Variants in ZDHHC5 observed in about 807,000 individuals in gnomAD.
The protein encoded by ZDHHC5 is zDHHC palmitoyltransferase 5.
In ZDHHC5, 22 loss-of-function variants were observed where a neutral mutation model predicts 70.0. That is an observed-to-expected ratio of 0.31 (90% CI 0.22 to 0.45). ZDHHC5 has a LOEUF of 0.45. Among genes scored for constraint, ZDHHC5 ranks in the 20% least tolerant of loss-of-function variants. The pLI is 1.00. For synonymous variants in ZDHHC5, 313 were observed against 347.8 expected, an observed-to-expected ratio of 0.90 and a Z score of 1.11; for missense variants, 746 against 926.9, an observed-to-expected ratio of 0.80 and a Z score of 2.53.
intron 2 of ZDHHC5, among the ~76,000 whole-genome samples, chr11:57,673,995 A>T (rs562873405): frequency 1.2e-4 from 18 of 152,170 alleles, no homozygotes; most frequent in Non-Finnish European, 2.5e-4. Flanking sequence ...CCAATGAGAG[A>T]GTTTTGGCTT....
chr11:57,681,761 T>TC (rs1405019371), intron 2 of ZDHHC5: 1 of 152,226 alleles, frequency 6.6e-6, no homozygotes, highest in Admixed American at 6.5e-5. Context: ...ATAGTCTCTA[T>TC]CCTCCCCCAT....
rs1946025503 is a variant in ZDHHC5 at position 57,672,984 on chromosome 11, CT to C, written c.-103del. 1 of 1,023,136 alleles carries C rather than the reference CT, an allele frequency of 9.8e-7. No individual in the cohort carries two copies. Among genetic ancestry groups the C allele is most frequent in the Non-Finnish European group, 1.5e-6 (1 of 677,108 alleles). 63.4% of individuals were successfully genotyped at this position (1,023,136 alleles called of 1,614,324 possible). On this transcript the variant is annotated 5_prime_UTR_variant, in exon 2 of 12. Coordinates refer to ENST00000287169, the MANE Select transcript of ZDHHC5 (RefSeq NM_015457.3). The stretch of plus-strand genomic sequence containing the variant: ...TAAAGTTTTCTGTTTCCCTGGTTTT[CT>C]TTTGTACTCCTCTCTGTTGCTTCCC...
intron 3 of ZDHHC5, among the ~76,000 whole-genome samples, chr11:57,684,693 G>A (rs371858322): frequency 1.3e-5 from 2 of 152,286 alleles, no homozygotes; most frequent in Non-Finnish European, 2.9e-5. Flanking sequence ...TGGAATAGGA[G>A]GGGAGAGAAC....
chr11:57,682,605 A>G, intron 3 of ZDHHC5, 62 bp downstream of exon 3: 2 of 1,566,634 alleles, frequency 1.3e-6, no homozygotes, highest in Non-Finnish European at 8.7e-7. Context: ...TGAGTTGGCC[A>G]TACACAGTTG....
chr11:57,689,903 C>A, intron 4 of ZDHHC5, 128 bp from the exon 5 acceptor site: 1 of 1,246,298 alleles, frequency 8.0e-7, no homozygotes, highest in Non-Finnish European at 1.1e-6. Flanking sequence ...GCAAAATAAA[C>A]TGGATTTAAT....
At chr11:57,688,286 C>T (rs147771208) in intron 3 of ZDHHC5, among the ~76,000 whole-genome samples, 191 of 152,304 alleles carry the variant, frequency 1.3e-3, no homozygotes, top group African/African-American at 4.3e-3. Flanking sequence ...CATTTTATCT[C>T]GAACCTCACT....
chr11:57,691,347 C>A (rs1946282693), intron 6 of ZDHHC5, among the ~76,000 whole-genome samples: 2 of 152,038 alleles, frequency 1.3e-5, no homozygotes, highest in African/African-American at 4.8e-5. Flanking sequence ...GCTAAAATAT[C>A]TTTTATTTAT....
intron 3 of ZDHHC5, among the ~76,000 whole-genome samples, chr11:57,686,833 GTT>G (rs57661352): frequency 7.0e-6 from 1 of 142,428 alleles, no homozygotes. Flanking sequence ...GTGTGTGTGT[GTT>G]TTTTTTTTTT....
chr11:57,673,246 G>C, intron 2 of ZDHHC5, 52 bp downstream of exon 2: 2 of 1,569,664 alleles, frequency 1.3e-6, no homozygotes, highest in Non-Finnish European at 1.8e-6. Flanking sequence ...TCCATGGGAA[G>C]TGAGGAGATA....
At chr11:57,694,377 T>C (rs1297128156) in intron 8 of ZDHHC5, among the ~76,000 whole-genome samples, 2 of 151,910 alleles carry the variant, frequency 1.3e-5, no homozygotes, top group Non-Finnish European at 2.9e-5. Context: ...GATTTTTTTT[T>C]TTGAGAGGGA....
At chr11:57,678,896 C>A (rs1008118245) in intron 2 of ZDHHC5, among the ~76,000 whole-genome samples, 1 of 152,176 alleles carries the variant, frequency 6.6e-6, no homozygotes, top group Admixed American at 6.5e-5. Context: ...GAAGATCTTT[C>A]TCCTTCATTC....
chr11:57,674,708 T>C (rs895087073), intron 2 of ZDHHC5, among the ~76,000 whole-genome samples: 8 of 152,178 alleles, frequency 5.3e-5, no homozygotes, highest in African/African-American at 1.9e-4. Context: ...CCAAAAGATA[T>C]TCTGAAAAAT....
intron 1 of ZDHHC5, among the ~76,000 whole-genome samples, chr11:57,669,899 A>C (rs556013681): frequency 6.6e-6 from 1 of 152,278 alleles, no homozygotes; most frequent in South Asian, 2.1e-4. Context: ...CTTTATTTAT[A>C]CCCAATAAAT....
Position 57,672,847 on chromosome 11 carries a change from T to C in ZDHHC5, c.-244T>C. 2.2e-6 allele frequency: 1 copy of C among 458,306 alleles called. No homozygotes were observed. Among genetic ancestry groups the C allele is most frequent in the Non-Finnish European group, 4.0e-6 (1 of 248,978 alleles). 28.4% of individuals were successfully genotyped at this position (458,306 alleles called of 1,614,324 possible). On this transcript the variant is annotated 5_prime_UTR_variant, in exon 2 of 12. Coordinates refer to ENST00000287169, the MANE Select transcript of ZDHHC5 (RefSeq NM_015457.3). ...TGTTTCTTAATCTTCCCTTCTGCCT[T>C]GTTCTGGGGAGGTGGTTATTCATCA...
intron 3 of ZDHHC5, among the ~76,000 whole-genome samples, chr11:57,683,539 C>G (rs561904053): frequency 6.6e-6 from 1 of 152,162 alleles, no homozygotes; most frequent in South Asian, 2.1e-4. Context: ...ATATGAGATA[C>G]AAGAATGTCA....
intron 2 of ZDHHC5, 126 bp from the exon 3 acceptor site, chr11:57,682,296 A>T: frequency 7.8e-7 from 1 of 1,288,642 alleles, no homozygotes; most frequent in Non-Finnish European, 1.0e-6. Flanking sequence ...ATAATTTGGG[A>T]TGGCAAAGGT....
chr11:57,673,343 G>A, intron 2 of ZDHHC5, 149 bp downstream of exon 2: 2 of 658,450 alleles, frequency 3.0e-6, no homozygotes, highest in African/African-American at 1.8e-5. Context: ...AGACATGTAA[G>A]AAAAATGAGA....
At chr11:57,697,014 G>C (rs896990098) in intron 10 of ZDHHC5, 141 bp downstream of exon 10, 5 of 793,076 alleles carry the variant, frequency 6.3e-6, no homozygotes, top group Non-Finnish European at 1.0e-5. Flanking sequence ...GGCCAACATG[G>C]TGAAACCCCG....
chr11:57,689,989 A>C (rs368188549), intron 4 of ZDHHC5, 42 bp from the exon 5 acceptor site: 1 of 1,592,362 alleles, frequency 6.3e-7, no homozygotes, highest in East Asian at 2.2e-5. Context: ...ATTTAATGCT[A>C]TGGTCCAGGG....
Sources: gnomAD v4.1 joint callset for allele counts (sites outside exome capture counted in the v4.1 genomes callset) on GRCh38, gnomAD v4.1.1 for gene constraint, MANE v1.5 for transcripts, NCBI Gene and HGNC (gene_info 2026-07-23, HGNC 2026-07-21) for gene names.